ZRANB3: variants seen among roughly 807,000 people sequenced by gnomAD.
ZRANB3 encodes the protein DNA annealing helicase and endonuclease ZRANB3.
In ZRANB3, 125 loss-of-function variants were observed where a neutral mutation model predicts 133.8. That is an observed-to-expected ratio of 0.93 (90% confidence interval 0.81 to 1.08). ZRANB3 has a LOEUF of 1.08. Ranked by LOEUF, ZRANB3 falls within the 50% of genes least tolerant of loss-of-function variation. ZRANB3 has a pLI of 0.00. For missense variants in ZRANB3, 1,229 were observed against 1,275.5 expected (o/e 0.96, Z 0.56); for synonymous variants, 387 against 432.7 (o/e 0.89, Z 1.31).
intron 12 of ZRANB3, among the ~76,000 whole-genome samples, chr2:135,238,019 C>T (rs181578677): frequency 2.0e-5 from 3 of 152,148 alleles, no homozygotes; most frequent in African/African-American, 7.2e-5. Context: ...ACCTTGTTTT[C>T]AAGAAATGTT....
At chr2:135,367,555 A>C (rs1040225159) in intron 3 of ZRANB3, among the ~76,000 whole-genome samples, 3 of 152,198 alleles carry the variant, frequency 2.0e-5, no homozygotes, top group African/African-American at 7.2e-5. Context: ...AAAAATCACA[A>C]ATCTGGAAAA....
At chr2:135,246,464 GA>G (rs1695807701) in intron 12 of ZRANB3, among the ~76,000 whole-genome samples, 1 of 152,012 alleles carries the variant, frequency 6.6e-6, no homozygotes, top group Non-Finnish European at 1.5e-5. Flanking sequence ...AAGCATTTGG[GA>G]AAAACATAGT....
chr2:135,341,058 G>C lies in ZRANB3; in HGVS notation c.677+4492C>G, dbSNP rs574786653. The stretch of plus-strand genomic sequence containing the variant: ...TTGATTGATTTTGAGATGGAGTCTT[G>C]CTCTGCTGCCCAGGCTGGAGTGCAG... On this transcript the variant is annotated intron_variant, in intron 6 of 20. Transcript: ENST00000264159. Among the ~76,000 whole-genome samples the C allele has an allele frequency of 6.7e-5, 10 of 149,746 alleles. No homozygotes were observed. The South Asian group carries it at 1.9e-3, about 28-fold the overall frequency.
At chr2:135,500,424 G>T (rs1444614027) in intron 2 of ZRANB3, among the ~76,000 whole-genome samples, 1 of 152,016 alleles carries the variant, frequency 6.6e-6, no homozygotes, top group Non-Finnish European at 1.5e-5. Context: ...CACATGATGG[G>T]ATTTTACATG....
intron 8 of ZRANB3, among the ~76,000 whole-genome samples, chr2:135,297,479 C>T (rs1028550208): frequency 1.3e-5 from 2 of 152,190 alleles, no homozygotes; most frequent in African/African-American, 4.8e-5. Flanking sequence ...GTCTGTCACC[C>T]GTTCCTTTGA....
chr2:135,420,434 A>C (rs1376128478), intron 2 of ZRANB3, among the ~76,000 whole-genome samples: 1 of 152,086 alleles, frequency 6.6e-6, no homozygotes, highest in Non-Finnish European at 1.5e-5. Flanking sequence ...TTTGTAACTT[A>C]GTCTATGGTG....
chr2:135,244,452 A>G (rs1203208807), intron 12 of ZRANB3, among the ~76,000 whole-genome samples: 1 of 152,058 alleles, frequency 6.6e-6, no homozygotes, highest in Non-Finnish European at 1.5e-5. Flanking sequence ...CTGAAAATAC[A>G]AAAAAATTAG....
At chr2:135,429,869 G>A (rs1210262303) in intron 2 of ZRANB3, among the ~76,000 whole-genome samples, 2 of 152,160 alleles carry the variant, frequency 1.3e-5, no homozygotes, top group Non-Finnish European at 2.9e-5. Context: ...ATAATGAAAT[G>A]AAGAACTTTC....
At chr2:135,352,273 A>C (rs1274568667) in intron 4 of ZRANB3, among the ~76,000 whole-genome samples, 1 of 151,926 alleles carries the variant, frequency 6.6e-6, no homozygotes, top group Non-Finnish European at 1.5e-5. Context: ...CAGAGGTTGC[A>C]GTGAGCCGAC....
chr2:135,208,777 T>G, intron 18 of ZRANB3, 91 bp downstream of exon 18: 1 of 1,164,682 alleles, frequency 8.6e-7, no homozygotes, highest in Non-Finnish European at 1.2e-6. Flanking sequence ...AAAGTGGTCA[T>G]GCAAAGGTGA....
intron 6 of ZRANB3, among the ~76,000 whole-genome samples, chr2:135,317,254 C>G (rs775963133): frequency 6.6e-6 from 1 of 152,040 alleles, no homozygotes; most frequent in Non-Finnish European, 1.5e-5. Flanking sequence ...TAAAAATTCA[C>G]ACACTAATAA....
intron 8 of ZRANB3, among the ~76,000 whole-genome samples, chr2:135,296,150 C>T (rs1282063589): frequency 6.6e-6 from 1 of 152,182 alleles, no homozygotes; most frequent in African/African-American, 2.4e-5. Context: ...GGAAGTTCTC[C>T]TGGATAATAT....
At chr2:135,424,788 T>C (rs1391059013) in intron 2 of ZRANB3, among the ~76,000 whole-genome samples, 1 of 152,148 alleles carries the variant, frequency 6.6e-6, no homozygotes, top group Non-Finnish European at 1.5e-5. Flanking sequence ...AGTTTCTATA[T>C]TCAATGGGTC....
intron 3 of ZRANB3, 42 bp downstream of exon 3, chr2:135,390,760 G>C: frequency 6.6e-7 from 1 of 1,511,382 alleles, no homozygotes; most frequent in Middle Eastern, 1.7e-4. Context: ...AAAACAAGCT[G>C]TGTAATCTTA....
At chr2:135,356,601 A>G (rs1685446952) in intron 3 of ZRANB3, among the ~76,000 whole-genome samples, 1 of 152,200 alleles carries the variant, frequency 6.6e-6, no homozygotes, top group African/African-American at 2.4e-5. Flanking sequence ...CTTGTATCTA[A>G]TCTATTAAAT....
intron 2 of ZRANB3, among the ~76,000 whole-genome samples, chr2:135,498,412 C>T (rs1332210748): frequency 1.3e-5 from 2 of 152,218 alleles, no homozygotes; most frequent in African/African-American, 4.8e-5. Context: ...GGACACTTAT[C>T]ACTTCCCCAA....
chr2:135,298,619 C>G (rs1055806246), intron 8 of ZRANB3, among the ~76,000 whole-genome samples: 3 of 152,158 alleles, frequency 2.0e-5, no homozygotes, highest in African/African-American at 7.2e-5. Context: ...AGTAGAGCTA[C>G]TGGCCTCTGG....
chr2:135,358,574 AT>A (rs1195309165), intron 3 of ZRANB3, among the ~76,000 whole-genome samples: 1 of 152,220 alleles, frequency 6.6e-6, no homozygotes, highest in African/African-American at 2.4e-5. Flanking sequence ...ACCTAAAAAA[AT>A]ACGACTGCCA....
At chr2:135,333,142 T>C (rs1684224999) in intron 6 of ZRANB3, among the ~76,000 whole-genome samples, 1 of 152,148 alleles carries the variant, frequency 6.6e-6, no homozygotes, top group African/African-American at 2.4e-5. Flanking sequence ...TCATTCTCAT[T>C]TGGTAAAATT....
Sources: gnomAD v4.1 joint callset for allele counts (sites outside exome capture counted in the v4.1 genomes callset) on GRCh38, gnomAD v4.1.1 for gene constraint, MANE v1.5 for transcripts, NCBI Gene and HGNC (gene_info 2026-07-23, HGNC 2026-07-21) for gene names.